CBR4: variants seen among roughly 807,000 people sequenced by gnomAD.
CBR4 encodes 3-oxoacyl-[acyl-carrier-protein] reductase.
In CBR4, 22 loss-of-function variants were observed where a neutral mutation model predicts 21.0. The observed-to-expected ratio is 1.05, with a 90% confidence interval of 0.75 to 1.50. The LOEUF is 1.50. Among genes scored for constraint, CBR4 ranks in the 40% most tolerant of loss-of-function variants. CBR4 has a pLI of 0.00. For synonymous variants in CBR4, 100 were observed against 104.4 expected (o/e 0.96, Z 0.26); for missense variants, 302 against 286.3 (o/e 1.05, Z -0.40).
At chr4:168,902,477 G>A (rs887277426) in intron 2 of CBR4, among the ~76,000 whole-genome samples, 4 of 151,920 alleles carry the variant, frequency 2.6e-5, no homozygotes, top group African/African-American at 9.7e-5. Context: ...AACTTAAATC[G>A]AAAATAATAA....
At chr4:168,993,203 T>C (rs934467148) in intron 4 of CBR4, among the ~76,000 whole-genome samples, 4 of 149,710 alleles carry the variant, frequency 2.7e-5, no homozygotes, top group Admixed American at 6.7e-5. Flanking sequence ...TTTAGACACA[T>C]GTATTTTCCT....
chr4:168,903,706 A>G, intron 2 of CBR4: 2 of 1,451,792 alleles, frequency 1.4e-6, no homozygotes, highest in Non-Finnish European at 1.9e-6. Context: ...TTCTCCAAAT[A>G]GAGTAGGAAT....
At chr4:168,924,822 T>C in intron 2 of CBR4, 1 of 932,466 alleles carries the variant, frequency 1.1e-6, no homozygotes, top group Middle Eastern at 2.6e-4. Flanking sequence ...ACAGAATAAG[T>C]ATGACCCTAT....
At chr4:168,985,719 T>C (rs1578982868), downstream of CBR4, among the ~76,000 whole-genome samples, 1 of 152,322 alleles carries the variant, frequency 6.6e-6, no homozygotes, top group African/African-American at 2.4e-5. Flanking sequence ...AATTAGATTA[T>C]GAGATCATGA....
intron 1 of CBR4, among the ~76,000 whole-genome samples, chr4:169,009,377 CA>C (rs774870490): frequency 6.6e-6 from 1 of 152,204 alleles, no homozygotes; most frequent in African/African-American, 2.4e-5. Flanking sequence ...AATTTAATAA[CA>C]TTAAAGCAAA....
intron 3 of CBR4, among the ~76,000 whole-genome samples, chr4:169,005,056 T>C (rs1579026785): frequency 6.6e-6 from 1 of 152,030 alleles, no homozygotes; most frequent in Admixed American, 6.6e-5. Context: ...AATCAACAAG[T>C]TCAGTATTAG....
At chr4:168,968,493 C>A (rs916684126) in intron 2 of CBR4, among the ~76,000 whole-genome samples, 1 of 152,216 alleles carries the variant, frequency 6.6e-6, no homozygotes. Context: ...CCTTCTGATT[C>A]TCTTTCCTGT....
intron 2 of CBR4, among the ~76,000 whole-genome samples, chr4:168,964,101 C>A (rs1433680618): frequency 2.6e-5 from 4 of 152,132 alleles, no homozygotes; most frequent in Non-Finnish European, 5.9e-5. Flanking sequence ...TTGCTCTGAC[C>A]AGCATGATCA....
intron 2 of CBR4, 37 bp from the exon 3 acceptor site, chr4:169,006,928 C>G (rs368677076): frequency 1.3e-6 from 2 of 1,564,994 alleles, no homozygotes; most frequent in African/African-American, 1.4e-5. Context: ...CATATAATAA[C>G]AAGATAAAAA....
At chr4:168,993,722 A>G (rs1765038951) in intron 4 of CBR4, among the ~76,000 whole-genome samples, 1 of 152,230 alleles carries the variant, frequency 6.6e-6, no homozygotes, top group African/African-American at 2.4e-5. Flanking sequence ...ACAAACTGTC[A>G]GCATAAAAAT....
chr4:168,903,772 G>C, intron 2 of CBR4: 2 of 1,612,494 alleles, frequency 1.2e-6, no homozygotes, highest in Non-Finnish European at 1.7e-6. Context: ...TTGGTTTAAA[G>C]ATGGGAAGCA....
At chr4:168,942,368 T>A (rs894065041) in intron 2 of CBR4, among the ~76,000 whole-genome samples, 2 of 151,792 alleles carry the variant, frequency 1.3e-5, no homozygotes, top group African/African-American at 4.8e-5. Context: ...ACTTGCACGT[T>A]CTGCACATGT....
chr4:168,997,401 T>C (rs114760084), intron 4 of CBR4, among the ~76,000 whole-genome samples: 1 of 152,174 alleles, frequency 6.6e-6, no homozygotes, highest in Non-Finnish European at 1.5e-5. Flanking sequence ...AAAAGGTAAA[T>C]GCATGGCTCC....
At chr4:168,920,930 T>C (rs377275147) in intron 2 of CBR4, among the ~76,000 whole-genome samples, 1 of 152,168 alleles carries the variant, frequency 6.6e-6, no homozygotes, top group African/African-American at 2.4e-5. Context: ...GGTGCTGATA[T>C]CATCCCATTA....
chr4:169,004,257 G>A (rs1296540972), intron 3 of CBR4, among the ~76,000 whole-genome samples: 2 of 152,008 alleles, frequency 1.3e-5, no homozygotes, highest in African/African-American at 4.8e-5. Context: ...TATTTTTTTA[G>A]CAACAAAGTA....
At chr4:168,970,787 C>T (rs1474591767) in intron 2 of CBR4, among the ~76,000 whole-genome samples, 1 of 151,946 alleles carries the variant, frequency 6.6e-6, no homozygotes, top group Non-Finnish European at 1.5e-5. Context: ...CAGGTTGCTG[C>T]GAATGCTGTT....
chr4:168,936,395 C>G (rs1763112790), intron 2 of CBR4, among the ~76,000 whole-genome samples: 1 of 152,146 alleles, frequency 6.6e-6, no homozygotes, highest in Non-Finnish European at 1.5e-5. Context: ...GATCACAACT[C>G]CTCACCAGCA....
chr4:168,902,329 A>G (rs1202067350), intron 2 of CBR4, among the ~76,000 whole-genome samples: 1 of 152,222 alleles, frequency 6.6e-6, no homozygotes. Context: ...TGTGGCTTAA[A>G]AAAGGAAAGG....
chr4:168,936,629 G>A (rs1429831896), intron 2 of CBR4, among the ~76,000 whole-genome samples: 8 of 152,194 alleles, frequency 5.3e-5, no homozygotes, highest in South Asian at 4.2e-4. Context: ...CGAGAACTTC[G>A]TGAAGTATAC....
Sources: gnomAD v4.1 joint callset for allele counts (sites outside exome capture counted in the v4.1 genomes callset) on GRCh38, gnomAD v4.1.1 for gene constraint, MANE v1.5 for transcripts, NCBI Gene and HGNC (gene_info 2026-07-23, HGNC 2026-07-21) for gene names.